Variants in OSBP observed in about 807,000 individuals in gnomAD.
OSBP encodes oxysterol-binding protein 1.
Under a neutral mutation model 96.6 loss-of-function variants are expected in OSBP, and 32 were observed. The observed-to-expected ratio is 0.33, with a 90% CI of 0.25 to 0.45. OSBP has a LOEUF of 0.45. Ranked by LOEUF, OSBP falls within the 20% of genes least tolerant of loss-of-function variation. The pLI is 1.00. For missense variants in OSBP, 653 were observed against 1,029.7 expected, an observed-to-expected ratio of 0.63 and a Z score of 5.01; for synonymous variants, 369 against 389.6, an observed-to-expected ratio of 0.95 and a Z score of 0.62.
At chr11:59,614,645 G>A (rs1171461116) in intron 1 of OSBP, among the ~76,000 whole-genome samples, 1 of 152,204 alleles carries the variant, frequency 6.6e-6, no homozygotes, top group Non-Finnish European at 1.5e-5. Flanking sequence ...TCATTTCCAC[G>A]GGAGGAGGTG....
At position 59,615,699 on chromosome 11, in the gene OSBP, C is replaced by A; in HGVS notation, c.-35G>T. ...CCGCCTGGAGATACAAGACCGGAAC[C>A]GCCTACGAGAGCCGCCGTCGCCGCC... On this transcript the variant is annotated 5_prime_UTR_variant, in exon 1 of 14. Transcript: ENST00000263847. 1.6e-6 allele frequency: 2 copies of A among 1,272,522 alleles called. No individual in the cohort carries two copies. Among genetic ancestry groups the A allele is most frequent in the Non-Finnish European group, 2.0e-6 (2 of 1,011,116 alleles). The allele number at this position is 1,272,522 out of a possible 1,614,324, so 78.8% of individuals were successfully genotyped here. A position where few individuals can be genotyped will look rare whatever the true frequency, so the allele number is the denominator to read the frequency against.
intron 3 of OSBP, among the ~76,000 whole-genome samples, chr11:59,607,260 A>C (rs1449595391): frequency 6.6e-6 from 1 of 152,162 alleles, no homozygotes; most frequent in East Asian, 1.9e-4. Context: ...TCACAAGGGG[A>C]CTGGAAAACC....
rs749795981 is a variant in OSBP, at chr11:59,600,607, C to T, written c.1200G>A (p.Glu400=). 6.2e-7 allele frequency: 1 copy of T among 1,613,920 alleles called. No homozygotes were observed. Among genetic ancestry groups the T allele is most frequent in the Non-Finnish European group, 8.5e-7 (1 of 1,179,954 alleles). The part of the protein sequence containing the change: ...LDEQYKHQLE[E]TKKEKRTRIP... ...TTCTGGTTCTCTTTTCCTTTTTGGT[C>T]TCCTCCAGCTGATGCTTGTACTGAG... The change falls in exon 7 of 14, where the codon GAG becomes GAA. Residue 400 remains glutamate, a synonymous_variant. Coordinates refer to ENST00000263847, the MANE Select transcript of OSBP (RefSeq NM_002556.3).
At chr11:59,601,908 A>G in intron 3 of OSBP, 70 bp from the exon 4 acceptor site, 1 of 1,389,948 alleles carries the variant, frequency 7.2e-7, no homozygotes, top group Non-Finnish European at 1.0e-6. Context: ...CTGCAAGCCC[A>G]TTGAGTAACC....
Position 59,609,134 on chromosome 11 carries a change from C to T in OSBP, c.572-400G>A, listed in dbSNP as rs139155547. On this transcript the variant is annotated intron_variant, in intron 2 of 13. Coordinates refer to ENST00000263847, the MANE Select transcript of OSBP (RefSeq NM_002556.3). ...TAATTACTGAGCTCCTTAACTCTAGCTTGATGATTCCTATCTAGTCCAAGC... is the reference window on the plus strand; with the variant it reads ...TAATTACTGAGCTCCTTAACTCTAGTTTGATGATTCCTATCTAGTCCAAGC... Among the ~76,000 whole-genome samples the T allele has an allele frequency of 7.9e-5, 12 of 152,308 alleles. No individual in the cohort carries two copies. The East Asian group carries it at 2.1e-3, about 27-fold the overall frequency.
chr11:59,605,304 A>C (rs971152623), intron 3 of OSBP, among the ~76,000 whole-genome samples: 2 of 152,208 alleles, frequency 1.3e-5, no homozygotes, highest in Non-Finnish European at 2.9e-5. Context: ...TGCTCGACTA[A>C]CAGTCAATTA....
chr11:59,585,636 T>C (rs959494697), intron 9 of OSBP, among the ~76,000 whole-genome samples: 2 of 152,162 alleles, frequency 1.3e-5, no homozygotes, highest in Non-Finnish European at 2.9e-5. Context: ...GAGGAGCCCC[T>C]CTGCCAGGCC....
intron 7 of OSBP, among the ~76,000 whole-genome samples, chr11:59,594,829 A>AT (rs1860628402): frequency 6.6e-6 from 1 of 152,102 alleles, no homozygotes; most frequent in Non-Finnish European, 1.5e-5. Context: ...AGTGCTCATG[A>AT]TGGGGGTTGA....
At chr11:59,593,462 T>TA (rs1176405004) in intron 9 of OSBP, 142 bp downstream of exon 9, 1 of 839,188 alleles carries the variant, frequency 1.2e-6, no homozygotes, top group East Asian at 2.5e-5. Flanking sequence ...AAAAGTTAAA[T>TA]ACCTGCCCAA....
At position 59,588,517 on chromosome 11, in the gene OSBP, G is replaced by C. The variant is rs184309662; in HGVS notation, c.1678+5087C>G. ...TGCCACTGCACTCCAGCCTAGGTGAGAGAGTGAGACTCGGTCTCAAAAAAA... is the reference window on the plus strand; with the variant it reads ...TGCCACTGCACTCCAGCCTAGGTGACAGAGTGAGACTCGGTCTCAAAAAAA... On this transcript the variant is annotated intron_variant, in intron 9 of 13. Transcript: ENST00000263847. Among the ~76,000 whole-genome samples, 366 of 147,546 alleles carry C rather than the reference G, an allele frequency of 2.5e-3. 1 individual carries two copies. The highest frequency in any genetic ancestry group is 8.8e-3 in the African/African-American group (349 of 39,738).
chr11:59,606,350 T>C (rs984205533), intron 3 of OSBP, among the ~76,000 whole-genome samples: 4 of 126,586 alleles, frequency 3.2e-5, no homozygotes, highest in African/African-American at 1.2e-4. Context: ...GAAACGGCCA[T>C]AAAAAAAAAA....
At chr11:59,582,885 A>T (rs1333307917) in intron 9 of OSBP, among the ~76,000 whole-genome samples, 1 of 152,222 alleles carries the variant, frequency 6.6e-6, no homozygotes, top group Non-Finnish European at 1.5e-5. Context: ...GCCTAATAAA[A>T]TGCTTGAAAC....
At position 59,593,339 on chromosome 11, in the gene OSBP, C is replaced by G. The variant is rs1199480018; in HGVS notation, c.1678+265G>C. ...TTTTTTTTTTTAATGCATGCTAGAACTTGTGTTCTAAATAGTGCTTAGAGA... is the reference window on the plus strand; with the variant it reads ...TTTTTTTTTTTAATGCATGCTAGAAGTTGTGTTCTAAATAGTGCTTAGAGA... On this transcript the variant is annotated intron_variant, in intron 9 of 13. Coordinates refer to ENST00000263847, the MANE Select transcript of OSBP (RefSeq NM_002556.3). The G allele has an allele frequency of 1.3e-5, 4 of 318,182 alleles. No homozygotes were observed. In the East Asian group the frequency reaches 2.3e-4, roughly 18 times the overall value. The allele number at this position is 318,182 out of a possible 1,614,324, so 19.7% of individuals were successfully genotyped here. A position where few individuals can be genotyped will look rare whatever the true frequency, so the allele number is the denominator to read the frequency against.
At chr11:59,610,231 T>C (rs760732215) in intron 2 of OSBP, 150 bp downstream of exon 2, 54 of 698,974 alleles carry the variant, frequency 7.7e-5, no homozygotes, top group Non-Finnish European at 1.3e-4. Context: ...GAACCATCAC[T>C]CCAGCAGAAA....
intron 11 of OSBP, among the ~76,000 whole-genome samples, chr11:59,579,579 C>T (rs944081757): frequency 2.0e-5 from 3 of 150,284 alleles, no homozygotes; most frequent in South Asian, 2.1e-4. Flanking sequence ...GTGATCCGCC[C>T]GCCTCCACCG....
intron 10 of OSBP, 59 bp from the exon 11 acceptor site, chr11:59,580,328 C>A (rs781054929): frequency 9.6e-7 from 1 of 1,040,854 alleles, no homozygotes; most frequent in East Asian, 2.4e-5. Context: ...TCTGCCAAAC[C>A]CATGGTTCAT....
intron 9 of OSBP, among the ~76,000 whole-genome samples, chr11:59,587,929 C>T (rs1860521431): frequency 6.6e-6 from 1 of 152,144 alleles, no homozygotes; most frequent in South Asian, 2.1e-4. Flanking sequence ...ATTTGTACAT[C>T]CATGTTCACA....
intron 4 of OSBP, 64 bp downstream of exon 4, chr11:59,601,576 T>C (rs1860724974): frequency 2.7e-6 from 4 of 1,455,958 alleles, no homozygotes; most frequent in Admixed American, 1.7e-5. Context: ...GGAGTTCTCC[T>C]ATCAACTGCA....
At chr11:59,581,137 A>C (rs906849737) in intron 10 of OSBP, among the ~76,000 whole-genome samples, 1 of 152,208 alleles carries the variant, frequency 6.6e-6, no homozygotes, top group Non-Finnish European at 1.5e-5. Context: ...CTGGCAATAA[A>C]TATTTGATGA....
Sources: gnomAD v4.1 joint callset for allele counts (sites outside exome capture counted in the v4.1 genomes callset) on GRCh38, gnomAD v4.1.1 for gene constraint, MANE v1.5 for transcripts, NCBI Gene and HGNC (gene_info 2026-07-23, HGNC 2026-07-21) for gene names.